SLC7A1: variants seen among roughly 807,000 people sequenced by gnomAD.
SLC7A1 encodes the protein solute carrier family 7 member 1, also known as high affinity cationic amino acid transporter 1.
In SLC7A1, 10 loss-of-function variants were observed where a neutral mutation model predicts 53.9. That is an observed-to-expected ratio of 0.19 (90% confidence interval 0.11 to 0.31). The LOEUF is 0.31. Ranked by LOEUF, SLC7A1 falls within the 10% of genes least tolerant of loss-of-function variation. The probability of loss-of-function intolerance (pLI) is 1.00; values close to 1 mark genes in which losing one functional copy is unlikely to be tolerated. For missense variants in SLC7A1, 525 were observed against 827.2 expected, an observed-to-expected ratio of 0.63 and a Z score of 4.48; for synonymous variants, 342 against 338.7, an observed-to-expected ratio of 1.01 and a Z score of -0.11.
chr13:29,548,899 G>A (rs1047678183), intron 2 of SLC7A1, among the ~76,000 whole-genome samples: 2 of 152,140 alleles, frequency 1.3e-5, no homozygotes, highest in Admixed American at 6.5e-5. Context: ...ACCAGGAAAC[G>A]CCACATTTTA....
At chr13:29,535,496 C>T (rs745792848) in intron 3 of SLC7A1, among the ~76,000 whole-genome samples, 1 of 152,116 alleles carries the variant, frequency 6.6e-6, no homozygotes, top group Non-Finnish European at 1.5e-5. Flanking sequence ...AGAGCAGGTA[C>T]TCAATGAACA....
chr13:29,540,360 T>C (rs1869609526), intron 2 of SLC7A1, among the ~76,000 whole-genome samples: 1 of 152,222 alleles, frequency 6.6e-6, no homozygotes, highest in African/African-American at 2.4e-5. Flanking sequence ...AAAGAACACT[T>C]ACCTGAGGGG....
At chr13:29,539,325 C>T (rs1009088051) in intron 2 of SLC7A1, among the ~76,000 whole-genome samples, 4 of 152,130 alleles carry the variant, frequency 2.6e-5, no homozygotes, top group Non-Finnish European at 5.9e-5. Context: ...CGAATGTGAG[C>T]CGGCTGCTCG....
At position 29,595,559 on chromosome 13, in the gene SLC7A1, T is replaced by C. The variant is rs1285751660; in HGVS notation, c.-258A>G. The C allele has an allele frequency of 6.7e-6, 1 of 150,242 alleles. No individual in the cohort carries two copies. The highest frequency in any genetic ancestry group is 1.5e-5 in the Non-Finnish European group (1 of 67,598). The allele number at this position is 150,242 out of a possible 1,614,324, so 9.3% of individuals were successfully genotyped here. On this transcript the variant is annotated 5_prime_UTR_variant, in exon 1 of 13. Transcript: ENST00000380752. ...GGCGCGCGGGGAGAGGAGTGGAGGC[T>C]GCGGTTAGCGGGAGCCCGCGGCCGC...
rs530944470 is a variant in SLC7A1, at chr13:29,557,547, T to C, written c.-114-3687A>G. Among the ~76,000 whole-genome samples the C allele has an allele frequency of 4.6e-5, 7 of 151,826 alleles. No homozygotes were observed. In the South Asian group the frequency reaches 1.2e-3, roughly 27 times the overall value. On this transcript the variant is annotated intron_variant, in intron 1 of 12. Transcript: ENST00000380752. ...TGGTAAGTATCTGTGAATGGAAACATAGAAAAGGTATAGCAAGAATAAGAT... is the reference window on the plus strand; with the variant it reads ...TGGTAAGTATCTGTGAATGGAAACACAGAAAAGGTATAGCAAGAATAAGAT...
intron 1 of SLC7A1, among the ~76,000 whole-genome samples, chr13:29,584,378 C>T (rs1275796440): frequency 1.3e-5 from 2 of 152,168 alleles, no homozygotes; most frequent in Non-Finnish European, 1.5e-5. Flanking sequence ...AACTCCTGAC[C>T]TCAGGTGATC....
At position 29,512,212 on chromosome 13, in the gene SLC7A1, G is replaced by A. The variant is rs1315120766; in HGVS notation, c.*2268C>T. ...CCTAACCAGGAAGCCCGTCCTCTAA[G>A]GAGGGGGCATGGGTCCCATCCCTGC... On this transcript the variant is annotated 3_prime_UTR_variant, in exon 13 of 13. Transcript: ENST00000380752. 6.6e-6 allele frequency: 1 copy of A among 152,210 alleles called. No homozygotes were observed. The highest frequency in any genetic ancestry group is 1.5e-5 in the Non-Finnish European group (1 of 68,040). 9.4% of individuals were successfully genotyped at this position (152,210 alleles called of 1,614,324 possible).
chr13:29,550,873 G>A (rs1870148427), intron 2 of SLC7A1, among the ~76,000 whole-genome samples: 1 of 152,242 alleles, frequency 6.6e-6, no homozygotes, highest in African/African-American at 2.4e-5. Flanking sequence ...ACTCTTGTGT[G>A]ATAATGAGTG....
chr13:29,533,887 C>T (rs982720757), intron 3 of SLC7A1, among the ~76,000 whole-genome samples: 1 of 152,178 alleles, frequency 6.6e-6, no homozygotes, highest in Admixed American at 6.5e-5. Context: ...CGGGCCTTGT[C>T]GGTGACCATG....
chr13:29,547,631 T>C (rs1478920385), intron 2 of SLC7A1, among the ~76,000 whole-genome samples: 1 of 152,238 alleles, frequency 6.6e-6, no homozygotes, highest in Non-Finnish European at 1.5e-5. Flanking sequence ...CGACAATTTT[T>C]AAATAATGAG....
At chr13:29,534,565 CTGCTCGGAGAATGTGAGT>C (rs1327184239) in intron 3 of SLC7A1, among the ~76,000 whole-genome samples, 4 of 152,234 alleles carry the variant, frequency 2.6e-5, no homozygotes, top group African/African-American at 4.8e-5. Flanking sequence ...AGAGAAGGTG[CTGCTCGGAGAATGTGAGT>C]GTGTGCCCTC....
rs1008026502 is a variant in SLC7A1, at chr13:29,527,238, C to T, written c.705-2985G>A. ...GAGAAACTGGAAGCTTACACACACA[C>T]ACACAATTAGAAAGTTTACCTGTGG... On this transcript the variant is annotated intron_variant, in intron 5 of 12. Transcript: ENST00000380752. Among the ~76,000 whole-genome samples the T allele has an allele frequency of 2.0e-5, 3 of 152,182 alleles. No homozygotes were observed. In the East Asian group the frequency reaches 5.8e-4, roughly 29 times the overall value.
rs373818675 is a variant in SLC7A1 at position 29,519,440 on chromosome 13, T to C, written c.1292+7A>G. On this transcript the variant is annotated splice_region_variant and intron_variant, in intron 9 of 12. Coordinates refer to ENST00000380752, the MANE Select transcript of SLC7A1 (RefSeq NM_003045.5). The stretch of plus-strand genomic sequence containing the variant: ...TCTGTCATGAGACCCCCAAAAGCCA[T>C]ACATACCGTAAGACCAACACACAGG... 3.2e-5 allele frequency: 51 copies of C among 1,574,958 alleles called. No homozygotes were observed. In the African/African-American group the frequency reaches 6.4e-4, roughly 20 times the overall value.
Position 29,582,537 on chromosome 13 carries a change from A to G in SLC7A1, c.-115+12879T>C, listed in dbSNP as rs553365234. Among the ~76,000 whole-genome samples the G allele has an allele frequency of 7.9e-5, 12 of 152,310 alleles. 1 individual carries two copies. The South Asian group carries it at 2.5e-3, about 32-fold the overall frequency. ...GTACAGGAGGCACAAAGACACATGC[A>G]TCCCAGACCCTCAGGGAGATGTGGT... On this transcript the variant is annotated intron_variant, in intron 1 of 12. Coordinates refer to ENST00000380752, the MANE Select transcript of SLC7A1 (RefSeq NM_003045.5).
intron 9 of SLC7A1, among the ~76,000 whole-genome samples, chr13:29,518,344 A>T (rs1241435824): frequency 1.3e-5 from 2 of 152,214 alleles, no homozygotes; most frequent in African/African-American, 4.8e-5. Context: ...CTGCAGCGTG[A>T]TTTCCAAGAC....
intron 2 of SLC7A1, among the ~76,000 whole-genome samples, chr13:29,537,581 T>C (rs974113414): frequency 6.6e-6 from 1 of 152,206 alleles, no homozygotes; most frequent in African/African-American, 2.4e-5. Context: ...TCAATATTGA[T>C]TGTAACCAAT....
intron 1 of SLC7A1, among the ~76,000 whole-genome samples, chr13:29,568,460 A>G (rs1871059656): frequency 6.6e-6 from 1 of 152,210 alleles, no homozygotes; most frequent in South Asian, 2.1e-4. Flanking sequence ...GCGTAGCTAC[A>G]ACTATGGGTA....
At chr13:29,540,247 G>T (rs1374232613) in intron 2 of SLC7A1, among the ~76,000 whole-genome samples, 2 of 152,182 alleles carry the variant, frequency 1.3e-5, no homozygotes, top group Non-Finnish European at 2.9e-5. Flanking sequence ...TAGGTGGGGA[G>T]GAATTTATAC....
intron 1 of SLC7A1, among the ~76,000 whole-genome samples, chr13:29,569,312 G>C (rs1032509478): frequency 6.6e-6 from 1 of 152,150 alleles, no homozygotes; most frequent in African/African-American, 2.4e-5. Flanking sequence ...CTTCCCCTCA[G>C]GTTGAGGGTG....
Sources: gnomAD v4.1 joint callset for allele counts (sites outside exome capture counted in the v4.1 genomes callset) on GRCh38, gnomAD v4.1.1 for gene constraint, MANE v1.5 for transcripts, NCBI Gene and HGNC (gene_info 2026-07-23, HGNC 2026-07-21) for gene names.